The following RAB10 variants were observed in gnomAD, a reference collection of about 807,000 sequenced individuals.
RAB10 encodes ras-related protein Rab-10.
Under a neutral mutation model 25.7 loss-of-function variants are expected in RAB10, and 5 were observed. That is an observed-to-expected ratio of 0.19 (90% CI 0.10 to 0.41). The LOEUF (loss-of-function observed/expected upper bound fraction) is 0.41, where lower values mean the gene tolerates loss of function less well. RAB10 is among the 10% of genes least tolerant of loss of function. The probability of loss-of-function intolerance (pLI) is 1.00; values close to 1 mark genes in which losing one functional copy is unlikely to be tolerated. For missense variants in RAB10, 103 were observed against 245.8 expected (o/e 0.42, Z 3.89); for synonymous variants, 89 against 86.4 (o/e 1.03, Z -0.16).
intron 1 of RAB10, among the ~76,000 whole-genome samples, chr2:26,067,309 A>C (rs4143538): frequency 0.83 from 126,989 of 152,168 alleles, 53,409 homozygotes; most frequent in African/African-American, 0.95. Flanking sequence ...GGGCTTATTT[A>C]AAAATACATA....
chr2:26,074,764 A>ATG (rs1031191552), intron 1 of RAB10, among the ~76,000 whole-genome samples: 1 of 152,212 alleles, frequency 6.6e-6, no homozygotes, highest in African/African-American at 2.4e-5. Flanking sequence ...AGTTAAGAGC[A>ATG]TGGGATCTGG....
chr2:26,088,580 C>A (rs1667033992), intron 1 of RAB10, among the ~76,000 whole-genome samples: 1 of 152,066 alleles, frequency 6.6e-6, no homozygotes, highest in African/African-American at 2.4e-5. Context: ...ATTTTATAAG[C>A]TTTTCCACCC....
chr2:26,119,840 T>C (rs1437570806), intron 3 of RAB10, among the ~76,000 whole-genome samples: 1 of 152,230 alleles, frequency 6.6e-6, no homozygotes. Context: ...AAATATATTT[T>C]TGAGCTAGAA....
chr2:26,085,361 G>T (rs965608316), intron 1 of RAB10, among the ~76,000 whole-genome samples: 1 of 151,486 alleles, frequency 6.6e-6, no homozygotes, highest in African/African-American at 2.4e-5. Context: ...GTGGTGACGC[G>T]CGCCTGGTAT....
At chr2:26,055,894 C>T (rs1666252178) in intron 1 of RAB10, among the ~76,000 whole-genome samples, 1 of 142,118 alleles carries the variant, frequency 7.0e-6, no homozygotes, top group African/African-American at 2.5e-5. Flanking sequence ...AGATGTAGAA[C>T]TTTTTTTTCT....
At chr2:26,124,555 C>T (rs754416341) in intron 3 of RAB10, among the ~76,000 whole-genome samples, 2 of 151,504 alleles carry the variant, frequency 1.3e-5, no homozygotes, top group African/African-American at 4.8e-5. Context: ...CATGAGCCCC[C>T]GTGCTCAGCC....
intron 1 of RAB10, among the ~76,000 whole-genome samples, chr2:26,081,852 C>T (rs1666875452): frequency 6.6e-6 from 1 of 152,030 alleles, no homozygotes; most frequent in African/African-American, 2.4e-5. Context: ...GAATTCATTC[C>T]TGACAAAAAT....
chr2:26,080,340 C>T (rs74470174), intron 1 of RAB10, among the ~76,000 whole-genome samples: 2,297 of 152,214 alleles, frequency 0.015, 40 homozygotes, highest in African/African-American at 0.04. Context: ...GCAAATACTA[C>T]ACTAAAAATT....
At chr2:26,069,652 C>T (rs145017865) in intron 1 of RAB10, among the ~76,000 whole-genome samples, 123 of 151,494 alleles carry the variant, frequency 8.1e-4, no homozygotes, top group Middle Eastern at 3.4e-3. Flanking sequence ...GGCGGCAGAG[C>T]GAGACTCTGC....
intron 1 of RAB10, among the ~76,000 whole-genome samples, chr2:26,045,670 G>A (rs17047258): frequency 0.034 from 5,199 of 152,252 alleles, 296 homozygotes; most frequent in African/African-American, 0.12. Context: ...TGTATGATTA[G>A]CTGAAGAGAT....
intron 1 of RAB10, among the ~76,000 whole-genome samples, chr2:26,049,489 A>G (rs536109626): frequency 1.7e-4 from 25 of 151,204 alleles, no homozygotes; most frequent in African/African-American, 4.9e-4. Flanking sequence ...GCTCACTGCA[A>G]CCTCCACCTT....
At chr2:26,060,815 C>A (rs1169622445) in intron 1 of RAB10, among the ~76,000 whole-genome samples, 1 of 151,952 alleles carries the variant, frequency 6.6e-6, no homozygotes, top group Admixed American at 6.6e-5. Flanking sequence ...AAAAGTAAAA[C>A]TTACTAGTTA....
At chr2:26,092,300 T>C (rs887378279) in intron 1 of RAB10, among the ~76,000 whole-genome samples, 2 of 136,168 alleles carry the variant, frequency 1.5e-5, no homozygotes, top group African/African-American at 6.7e-5. Flanking sequence ...TGTGTGTGTG[T>C]GTGTGTGTGT....
At chr2:26,075,682 A>G (rs1666717933) in intron 1 of RAB10, among the ~76,000 whole-genome samples, 2 of 152,122 alleles carry the variant, frequency 1.3e-5, no homozygotes, top group South Asian at 4.1e-4. Flanking sequence ...ACAAGTTGTC[A>G]TGACATTATG....
At chr2:26,068,683 C>G (rs957016962) in intron 1 of RAB10, among the ~76,000 whole-genome samples, 2 of 152,108 alleles carry the variant, frequency 1.3e-5, no homozygotes, top group Non-Finnish European at 2.9e-5. Flanking sequence ...CTTTCTTTAT[C>G]TGTAAATTGG....
chr2:26,075,867 G>T (rs1666721788), intron 1 of RAB10, among the ~76,000 whole-genome samples: 1 of 152,072 alleles, frequency 6.6e-6, no homozygotes, highest in Admixed American at 6.5e-5. Context: ...TGGAAGACAA[G>T]CAGGGGGTTA....
intron 1 of RAB10, 27 bp downstream of exon 1, chr2:26,034,762 G>T: frequency 6.2e-7 from 1 of 1,613,228 alleles, no homozygotes; most frequent in Non-Finnish European, 8.5e-7. Context: ...GACGGTGTAC[G>T]GTCTCGGTAG....
At chr2:26,064,752 A>G (rs939456558) in intron 1 of RAB10, among the ~76,000 whole-genome samples, 8 of 152,220 alleles carry the variant, frequency 5.3e-5, no homozygotes, top group African/African-American at 1.4e-4. Flanking sequence ...TCTTTCAAGA[A>G]TGTTTCAGTT....
intron 1 of RAB10, among the ~76,000 whole-genome samples, chr2:26,084,035 C>T (rs1373756331): frequency 6.6e-6 from 1 of 152,188 alleles, no homozygotes; most frequent in Admixed American, 6.5e-5. Flanking sequence ...AGAAGGCTCA[C>T]ATCACTCTGC....
Sources: allele counts gnomAD v4.1 joint callset (sites outside exome capture counted in the v4.1 genomes callset), GRCh38; gene constraint gnomAD v4.1.1; transcripts MANE v1.5; gene names NCBI Gene and HGNC (gene_info 2026-07-23, HGNC 2026-07-21).